The following MORF4L1 variants were observed in gnomAD, a reference collection of about 807,000 sequenced individuals.
MORF4L1 encodes mortality factor 4-like protein 1.
A neutral mutation model predicts 52.9 loss-of-function variants in MORF4L1; 4 were observed. The ratio of observed to expected loss-of-function variants is 0.08; its 90% confidence interval spans 0.04 to 0.17. The LOEUF (loss-of-function observed/expected upper bound fraction) is 0.17, where lower values mean the gene tolerates loss of function less well. Among genes scored for constraint, MORF4L1 ranks in the 10% least tolerant of loss-of-function variants. The probability of loss-of-function intolerance (pLI) is 1.00; values close to 1 mark genes in which losing one functional copy is unlikely to be tolerated. For missense variants in MORF4L1, 214 were observed against 390.4 expected (o/e 0.55, Z 3.81); for synonymous variants, 123 against 134.8 (o/e 0.91, Z 0.61).
In MORF4L1 at chr15:78,886,335, T is replaced by C; in HGVS notation, c.242+108T>C. On this transcript the variant is annotated intron_variant, in intron 4 of 11. Transcript: ENST00000426013. ...TTGGCTGCCCTGCCTATAAAATGATTCCTGGTACCTTTCAGCTGCTGTGTT... is the reference window on the plus strand; with the variant it reads ...TTGGCTGCCCTGCCTATAAAATGATCCCTGGTACCTTTCAGCTGCTGTGTT... 6.3e-6 allele frequency: 6 copies of C among 946,836 alleles called. No individual in the cohort carries two copies. In the Admixed American group the frequency reaches 1.2e-4, roughly 18 times the overall value. The allele number at this position is 946,836 out of a possible 1,614,324, so 58.7% of individuals were successfully genotyped here.
At chr15:78,879,772 C>T (rs1203789380) in intron 2 of MORF4L1, among the ~76,000 whole-genome samples, 1 of 132,924 alleles carries the variant, frequency 7.5e-6, no homozygotes, top group Non-Finnish European at 1.5e-5. Context: ...ACTGTCTCTA[C>T]CAAAAAAAAA....
chr15:78,894,012 GTTATTT>G (rs2056843031), intron 9 of MORF4L1, 40 bp from the exon 10 acceptor site: 2 of 1,523,802 alleles, frequency 1.3e-6, no homozygotes, highest in African/African-American at 2.8e-5. Context: ...CTCTATGTCA[GTTATTT>G]TTATTGACCA....
intron 3 of MORF4L1, among the ~76,000 whole-genome samples, chr15:78,882,688 A>G (rs1231329331): frequency 2.0e-5 from 3 of 152,216 alleles, no homozygotes; most frequent in African/African-American, 7.2e-5. Context: ...TTTTATGCAT[A>G]CTATGAGTGG....
At chr15:78,893,703 A>C in intron 9 of MORF4L1, 76 bp downstream of exon 9, 3 of 963,458 alleles carry the variant, frequency 3.1e-6, no homozygotes, top group Non-Finnish European at 4.7e-6. Flanking sequence ...TGAAACTTGT[A>C]CTGACTCCGA....
chr15:78,874,008 T>G (rs1240979232), intron 1 of MORF4L1: 1 of 152,264 alleles, frequency 6.6e-6, no homozygotes, highest in East Asian at 1.9e-4. Flanking sequence ...AAGTTGAATT[T>G]CTTTTTATTA....
chr15:78,886,058 A>C (rs1239684841), intron 3 of MORF4L1, 83 bp from the exon 4 acceptor site: 1 of 975,226 alleles, frequency 1.0e-6, no homozygotes, highest in Non-Finnish European at 1.6e-6. Flanking sequence ...CTTAAGAGAA[A>C]TCCAGTCTTG....
At chr15:78,888,004 C>T (rs779603000) in intron 5 of MORF4L1, among the ~76,000 whole-genome samples, 1 of 152,198 alleles carries the variant, frequency 6.6e-6, no homozygotes, top group Non-Finnish European at 1.5e-5. Context: ...ACCTCCTGAC[C>T]TCAGGTGATC....
Position 78,873,001 on chromosome 15 carries a change from C to G in MORF4L1, c.-17C>G. ...CGGGGGTGGTGGGAGAAGGAGGAGG[C>G]GGCGAATCACTTATAAATGGCGCCG... On this transcript the variant is annotated 5_prime_UTR_variant, in exon 1 of 12. Transcript: ENST00000426013. 6 of 1,550,052 alleles carry G rather than the reference C, an allele frequency of 3.9e-6. No individual in the cohort carries two copies. The highest frequency in any genetic ancestry group is 5.2e-6 in the Non-Finnish European group (6 of 1,146,644).
At chr15:78,896,671 G>A (rs2056896011) in intron 11 of MORF4L1, among the ~76,000 whole-genome samples, 1 of 152,080 alleles carries the variant, frequency 6.6e-6, no homozygotes, top group Non-Finnish European at 1.5e-5. Context: ...TCATGTAATA[G>A]GATAATAACT....
Position 78,879,328 on chromosome 15 carries a change from TCTC to T in MORF4L1, c.87+1072_87+1074del, listed in dbSNP as rs1761515269. ...CGTCCCCCTCCCGGGTTGAAGCAATTCTCCTGCCTCAGCCTCCCGAGTAGCTGG... is the reference window on the plus strand; with the variant it reads ...CGTCCCCCTCCCGGGTTGAAGCAATTCTGCCTCAGCCTCCCGAGTAGCTGG... On this transcript the variant is annotated intron_variant, in intron 2 of 11. Transcript: ENST00000426013. Among the ~76,000 whole-genome samples, 3 of 152,012 alleles carry T rather than the reference TCTC, an allele frequency of 2.0e-5. No homozygotes were observed. In the South Asian group the frequency reaches 6.2e-4, roughly 32 times the overall value.
chr15:78,888,778 T>G (rs1354047059), intron 5 of MORF4L1, among the ~76,000 whole-genome samples: 1 of 150,410 alleles, frequency 6.6e-6, no homozygotes, highest in Non-Finnish European at 1.5e-5. Flanking sequence ...TGGAGATGTT[T>G]GAAGCTTTTT....
chr15:78,878,419 T>C (rs920026405), intron 2 of MORF4L1, among the ~76,000 whole-genome samples, 160 bp downstream of exon 2: 1 of 136,592 alleles, frequency 7.3e-6, no homozygotes, highest in Non-Finnish European at 1.6e-5. Context: ...ATTCTTATTG[T>C]TTTGCTTAGT....
chr15:78,878,353 G>GT, intron 2 of MORF4L1, 94 bp downstream of exon 2: 1 of 1,102,816 alleles, frequency 9.1e-7, no homozygotes, highest in Middle Eastern at 3.1e-4. Flanking sequence ...TGTTGCCTCA[G>GT]TAAGAGAGTT....
chr15:78,890,941 G>A, intron 5 of MORF4L1, 48 bp from the exon 6 acceptor site: 2 of 1,378,886 alleles, frequency 1.5e-6, no homozygotes, highest in African/African-American at 2.9e-5. Context: ...TGAAACAGAG[G>A]CAGTTTTACT....
intron 3 of MORF4L1, among the ~76,000 whole-genome samples, chr15:78,885,552 A>G (rs1281810464): frequency 3.9e-5 from 6 of 152,176 alleles, no homozygotes; most frequent in Non-Finnish European, 8.8e-5. Context: ...TACTTTACAA[A>G]CTTAAGTTAG....
intron 1 of MORF4L1, among the ~76,000 whole-genome samples, chr15:78,876,791 C>G (rs2056501257): frequency 6.6e-6 from 1 of 152,100 alleles, no homozygotes; most frequent in South Asian, 2.1e-4. Flanking sequence ...GTCCAGCAGC[C>G]TCTAGCAGTG....
At chr15:78,884,759 C>T (rs1041429351) in intron 3 of MORF4L1, among the ~76,000 whole-genome samples, 4 of 151,600 alleles carry the variant, frequency 2.6e-5, no homozygotes, top group Admixed American at 1.3e-4. Context: ...ACAACAAAAC[C>T]TTAATCCCTA....
intron 1 of MORF4L1, among the ~76,000 whole-genome samples, chr15:78,875,622 A>G (rs2056470905): frequency 1.4e-5 from 2 of 146,330 alleles, no homozygotes; most frequent in South Asian, 4.3e-4. Flanking sequence ...CCCAGTCTCT[A>G]CTAAAAATAC....
intron 4 of MORF4L1, 115 bp downstream of exon 4, chr15:78,886,342 A>C: frequency 1.1e-6 from 1 of 888,288 alleles, no homozygotes; most frequent in Non-Finnish European, 1.8e-6. Context: ...GATTCCTGGT[A>C]CCTTTCAGCT....
Sources: allele counts gnomAD v4.1 joint callset (sites outside exome capture counted in the v4.1 genomes callset), GRCh38; gene constraint gnomAD v4.1.1; transcripts MANE v1.5; gene names NCBI Gene and HGNC (gene_info 2026-07-23, HGNC 2026-07-21).